CKAP5: variants seen among roughly 807,000 people sequenced by gnomAD.
CKAP5 encodes the protein cytoskeleton-associated protein 5.
CKAP5 carries 27 observed loss-of-function variants against 232.8 expected under a neutral mutation model. The observed-to-expected ratio is 0.12, with a 90% CI of 0.09 to 0.16. The LOEUF (loss-of-function observed/expected upper bound fraction) is 0.16, where lower values mean the gene tolerates loss of function less well. Ranked by LOEUF, CKAP5 falls within the 10% of genes least tolerant of loss-of-function variation. The pLI is 1.00. For synonymous variants in CKAP5, 785 were observed against 841.1 expected (o/e 0.93, Z 1.16); for missense variants, 1,838 against 2,424.7 (o/e 0.76, Z 5.08).
intron 2 of CKAP5, among the ~76,000 whole-genome samples, chr11:46,818,746 A>T (rs1939462790): frequency 6.6e-6 from 1 of 152,198 alleles, no homozygotes; most frequent in African/African-American, 2.4e-5. Flanking sequence ...ATAATAGGCC[A>T]TTATAAATGA....
intron 6 of CKAP5, 58 bp downstream of exon 6, chr11:46,809,684 C>T: frequency 6.3e-7 from 1 of 1,595,608 alleles, no homozygotes; most frequent in Admixed American, 1.7e-5. Flanking sequence ...CACAGATTCT[C>T]ATGGCAGTGC....
intron 42 of CKAP5, among the ~76,000 whole-genome samples, chr11:46,748,723 C>T (rs972372030): frequency 3.3e-5 from 5 of 151,950 alleles, no homozygotes; most frequent in East Asian, 2.0e-4. Flanking sequence ...GAGCCAAGAT[C>T]GCACCACTGC....
At chr11:46,759,191 C>G in intron 34 of CKAP5, 78 bp downstream of exon 34, 1 of 1,523,496 alleles carries the variant, frequency 6.6e-7, no homozygotes, top group Admixed American at 1.9e-5. Flanking sequence ...TTTAACTGCA[C>G]ATTACAAAGG....
chr11:46,811,603 A>T (rs925407508), intron 4 of CKAP5, among the ~76,000 whole-genome samples: 3 of 152,148 alleles, frequency 2.0e-5, no homozygotes, highest in African/African-American at 7.2e-5. Flanking sequence ...CAGTCTCCCA[A>T]GTAGCTGGGG....
chr11:46,843,713 G>C (rs1390015817), intron 1 of CKAP5, among the ~76,000 whole-genome samples: 1 of 126,692 alleles, frequency 7.9e-6, no homozygotes, highest in Non-Finnish European at 1.6e-5. Context: ...CAGGGCGAAA[G>C]AGTGAGATCT....
At chr11:46,757,610 CGA>C (rs1402008329) in intron 35 of CKAP5, among the ~76,000 whole-genome samples, 1 of 151,606 alleles carries the variant, frequency 6.6e-6, no homozygotes, top group African/African-American at 2.4e-5. Flanking sequence ...GGAGATGGAG[CGA>C]GATCTCGCTC....
intron 1 of CKAP5, among the ~76,000 whole-genome samples, chr11:46,843,116 G>C (rs1382433538): frequency 1.3e-5 from 2 of 151,888 alleles, no homozygotes; most frequent in Non-Finnish European, 2.9e-5. Flanking sequence ...AGACCCTGCT[G>C]GTCTCCCACC....
chr11:46,753,073 C>T (rs2065082099), intron 37 of CKAP5: 2 of 451,874 alleles, frequency 4.4e-6, no homozygotes, highest in Non-Finnish European at 7.7e-6. Context: ...TAGCTATGGT[C>T]TCAGGCTAAA....
At chr11:46,770,735 A>T in intron 25 of CKAP5, 53 bp downstream of exon 25, 1 of 1,533,758 alleles carries the variant, frequency 6.5e-7, no homozygotes, top group Non-Finnish European at 9.0e-7. Context: ...GGCCCATGTT[A>T]AATATATTTT....
intron 42 of CKAP5, among the ~76,000 whole-genome samples, chr11:46,749,927 CAAAA>C (rs1165122275): frequency 5.4e-5 from 4 of 74,742 alleles, no homozygotes; most frequent in Admixed American, 3.1e-4. Flanking sequence ...AACTCCATCT[CAAAA>C]AAAAAAAAAA....
At position 46,755,018 on chromosome 11, in the gene CKAP5, T is replaced by C. The variant is rs779274910; in HGVS notation, c.4739A>G (p.His1580Arg). The change falls in exon 36 of 44, where the codon CAT (histidine) becomes CGT (arginine). Residue 1580 changes from histidine to arginine, a missense_variant. This residue lies in a region of CKAP5 where 579 missense variants were observed against 843.2 expected (regional missense o/e 0.69). Coordinates refer to ENST00000529230, the MANE Select transcript of CKAP5 (RefSeq NM_001008938.4). ...QEDKAEAMSGHIDQFLIATFM... is the reference protein window; with the variant it reads ...QEDKAEAMSGRIDQFLIATFM... ...AGTGGCTATCAGAAACTGATCAATA[T>C]GGCCGGACATGGCTTCAGCTTTGTC... The C allele has an allele frequency of 6.2e-7, 1 of 1,613,800 alleles. No homozygotes were observed. The highest frequency in any genetic ancestry group is 8.5e-7 in the Non-Finnish European group (1 of 1,179,880).
intron 8 of CKAP5, among the ~76,000 whole-genome samples, chr11:46,807,685 T>C (rs1362114825): frequency 6.6e-6 from 1 of 152,260 alleles, no homozygotes; most frequent in Non-Finnish European, 1.5e-5. Context: ...GCTATCTTCA[T>C]GTTTAATATT....
In CKAP5 at chr11:46,750,325, G is replaced by A. The variant is rs753596389; in HGVS notation, c.5653C>T (p.Arg1885Trp). The A allele has an allele frequency of 5.6e-6, 9 of 1,614,090 alleles. No homozygotes were observed. The highest frequency in any genetic ancestry group is 4.5e-5 in the East Asian group (2 of 44,884). ...FFQSYVERGL[R>W]VIEMEREGKG... is the part of the protein sequence containing the mutation. ...CCCTCCCTCTCCATCTCAATCACCC[G>A]AAGGCCTCTTTCGACATAGCTCTGG... The change falls in exon 42 of 44, where the codon CGG (arginine) becomes TGG (tryptophan). Residue 1885 changes from arginine to tryptophan, a missense_variant. By Grantham distance (101) the Arg-to-Trp change is moderately radical. Around this residue, in one of 6 missense-constraint regions of CKAP5, gnomAD observed 579 missense variants for 843.2 expected, o/e 0.69. Transcript: ENST00000529230.
At chr11:46,757,259 G>A (rs1265934025) in intron 35 of CKAP5, among the ~76,000 whole-genome samples, 1 of 151,548 alleles carries the variant, frequency 6.6e-6, no homozygotes, top group Non-Finnish European at 1.5e-5. Flanking sequence ...TTGGGAGGCC[G>A]AGGCAGGTGG....
In CKAP5 at chr11:46,797,835, C is replaced by A. The variant is rs1938915929; in HGVS notation, c.1308G>T (p.Leu436Phe). 1.2e-6 allele frequency: 2 copies of A among 1,613,232 alleles called. No homozygotes were observed. The highest frequency in any genetic ancestry group is 8.5e-7 in the Non-Finnish European group (1 of 1,179,862). Residue 436 changes from leucine to phenylalanine, a missense_variant, in exon 11 of 44, where the codon TTG becomes TTT. Physicochemically the swap from Leu to Phe is conservative, Grantham distance 22 (BLOSUM62 0). Transcript: ENST00000529230. The part of the protein sequence containing the change: ...HCTASTLPKS[L>F]LKPFCAALLK... Reference sequence around the variant, plus strand: ...GTAGTGCAGCACAAAAGGGCTTTAGCAAGCTCTTTGGCAGGGTAGAAGCAG... The same window carrying A: ...GTAGTGCAGCACAAAAGGGCTTTAGAAAGCTCTTTGGCAGGGTAGAAGCAG...
chr11:46,762,768 C>T lies in CKAP5; in HGVS notation c.3892-6G>A, dbSNP rs117888680. The T allele has an allele frequency of 1.5e-4, 242 of 1,612,914 alleles. No homozygotes were observed. The highest frequency in any genetic ancestry group is 4.9e-4 in the Middle Eastern group (3 of 6,062). The stretch of plus-strand genomic sequence containing the variant: ...ACATCCTTTGGTTCTCCAACCTAGT[C>T]GATAAGGAAAATAATGATTAAGTGA... On this transcript the variant is annotated splice_region_variant and splice_polypyrimidine_tract_variant and intron_variant, in intron 30 of 43. Transcript: ENST00000529230.
intron 42 of CKAP5, among the ~76,000 whole-genome samples, chr11:46,748,777 A>C (rs2065040869): frequency 6.6e-6 from 1 of 152,022 alleles, no homozygotes; most frequent in African/African-American, 2.4e-5. Flanking sequence ...AAAACAAAAC[A>C]AAACAAAACA....
chr11:46,824,503 G>A (rs536665539), intron 1 of CKAP5, among the ~76,000 whole-genome samples: 82 of 152,274 alleles, frequency 5.4e-4, no homozygotes, highest in African/African-American at 1.8e-3. Flanking sequence ...GTTCATAGTA[G>A]TCAAAAGCTG....
At chr11:46,799,425 G>C (rs150752074) in intron 9 of CKAP5, among the ~76,000 whole-genome samples, 1 of 152,196 alleles carries the variant, frequency 6.6e-6, no homozygotes, top group East Asian at 1.9e-4. Context: ...TTTAATACTA[G>C]TTATAAACTT....
Sources: allele counts gnomAD v4.1 joint callset (sites outside exome capture counted in the v4.1 genomes callset), GRCh38; gene constraint gnomAD v4.1.1; regional missense constraint gnomAD v4.1.1; transcripts MANE v1.5; gene names NCBI Gene and HGNC (gene_info 2026-07-23, HGNC 2026-07-21).